Variants in XKR6 observed in about 807,000 individuals in gnomAD.
The protein encoded by XKR6 is XK related 6.
In XKR6, 22 loss-of-function variants were observed where a neutral mutation model predicts 56.7. That is an observed-to-expected ratio of 0.39 (90% confidence interval 0.28 to 0.55). The LOEUF (loss-of-function observed/expected upper bound fraction) is 0.55. XKR6 is among the 20% of genes least tolerant of loss of function. The pLI is 0.66. For missense variants in XKR6, 852 were observed against 889.0 expected, an observed-to-expected ratio of 0.96 and a Z score of 0.53; for synonymous variants, 524 against 387.8, an observed-to-expected ratio of 1.35 and a Z score of -4.13.
At chr8:10,978,082 AG>A (rs1335448849) in intron 1 of XKR6, among the ~76,000 whole-genome samples, 2 of 152,150 alleles carry the variant, frequency 1.3e-5, no homozygotes, top group African/African-American at 4.8e-5. Context: ...GGAAATGGAA[AG>A]CAACTGGCCT....
intron 1 of XKR6, chr8:11,195,322 G>T: frequency 3.4e-6 from 2 of 593,982 alleles, no homozygotes; most frequent in Non-Finnish European, 6.0e-6. Context: ...CTAAGGTAGA[G>T]ATTCATTTTT....
At chr8:11,034,123 A>C (rs1799078791) in intron 1 of XKR6, among the ~76,000 whole-genome samples, 1 of 152,248 alleles carries the variant, frequency 6.6e-6, no homozygotes, top group South Asian at 2.1e-4. Flanking sequence ...CGCATGCCTC[A>C]AGGAGACATG....
chr8:11,001,056 G>A (rs1161220199), intron 1 of XKR6, among the ~76,000 whole-genome samples: 2 of 152,218 alleles, frequency 1.3e-5, no homozygotes, highest in African/African-American at 2.4e-5. Flanking sequence ...GGATTTAGGA[G>A]CGAAAATGCA....
At chr8:11,090,190 T>A (rs1322010079) in intron 1 of XKR6, among the ~76,000 whole-genome samples, 1 of 152,192 alleles carries the variant, frequency 6.6e-6, no homozygotes. Context: ...GCTCAAGCGA[T>A]CCTCCCACCT....
chr8:11,057,764 T>G (rs905436453), intron 1 of XKR6, among the ~76,000 whole-genome samples: 2 of 152,358 alleles, frequency 1.3e-5, no homozygotes, highest in Admixed American at 6.5e-5. Flanking sequence ...ATGCTCTTCC[T>G]GACTCCTTCA....
At chr8:11,047,527 G>A (rs974449507) in intron 1 of XKR6, among the ~76,000 whole-genome samples, 1 of 152,078 alleles carries the variant, frequency 6.6e-6, no homozygotes, top group African/African-American at 2.4e-5. Context: ...GTCACAAAAA[G>A]ACAAATTCCA....
At chr8:11,031,902 A>C (rs1378733153) in intron 1 of XKR6, among the ~76,000 whole-genome samples, 1 of 152,192 alleles carries the variant, frequency 6.6e-6, no homozygotes, top group Non-Finnish European at 1.5e-5. Context: ...TCCCCAGCCT[A>C]TCCTAAGGAA....
At chr8:11,003,582 A>C (rs2129143727) in intron 1 of XKR6, among the ~76,000 whole-genome samples, 1 of 152,296 alleles carries the variant, frequency 6.6e-6, no homozygotes, top group South Asian at 2.1e-4. Flanking sequence ...CATTGTCTTT[A>C]ATCCTCAAAT....
intron 1 of XKR6, among the ~76,000 whole-genome samples, chr8:10,945,462 C>G (rs141449072): frequency 1.7e-3 from 265 of 152,266 alleles, no homozygotes; most frequent in African/African-American, 6.0e-3. Flanking sequence ...CCAGCCTGGA[C>G]AACACAGTGA....
At chr8:10,911,401 C>T (rs1047176263) in intron 2 of XKR6, among the ~76,000 whole-genome samples, 7 of 133,124 alleles carry the variant, frequency 5.3e-5, no homozygotes, top group African/African-American at 2.0e-4. Context: ...TATATAAATA[C>T]AGAGAATGAG....
chr8:11,008,418 C>CTT (rs35571220), intron 1 of XKR6, among the ~76,000 whole-genome samples: 27,694 of 103,964 alleles, frequency 0.27, 4,432 homozygotes, highest in Non-Finnish European at 0.32. Context: ...GCTCCCCAGG[C>CTT]TTTTTTTTTT....
At chr8:11,164,741 T>C (rs1038552528) in intron 1 of XKR6, among the ~76,000 whole-genome samples, 1 of 152,222 alleles carries the variant, frequency 6.6e-6, no homozygotes, top group South Asian at 2.1e-4. Context: ...AACTACACTG[T>C]TCTTCTCTAA....
chr8:10,977,597 G>T (rs528978732), intron 1 of XKR6, among the ~76,000 whole-genome samples: 6 of 149,572 alleles, frequency 4.0e-5, no homozygotes, highest in Middle Eastern at 3.4e-3. Flanking sequence ...GCTGAGGCTG[G>T]GCACCCCGAC....
intron 1 of XKR6, chr8:11,128,836 T>G (rs1044323248): frequency 2.2e-6 from 1 of 456,740 alleles, no homozygotes; most frequent in African/African-American, 2.0e-5. Flanking sequence ...CTGATCACCT[T>G]ACCACCTCCA....
At chr8:11,018,711 C>T (rs1798681491) in intron 1 of XKR6, among the ~76,000 whole-genome samples, 1 of 152,202 alleles carries the variant, frequency 6.6e-6, no homozygotes, top group Non-Finnish European at 1.5e-5. Flanking sequence ...ACACACAGAA[C>T]ACCAAAAGAT....
At chr8:11,002,876 G>C (rs1171451891) in intron 1 of XKR6, among the ~76,000 whole-genome samples, 1 of 152,142 alleles carries the variant, frequency 6.6e-6, no homozygotes, top group Non-Finnish European at 1.5e-5. Context: ...AAATAATCTG[G>C]GTATGGTTAC....
intron 1 of XKR6, among the ~76,000 whole-genome samples, chr8:11,011,819 G>A (rs570027357): frequency 8.5e-5 from 13 of 152,336 alleles, no homozygotes; most frequent in African/African-American, 3.1e-4. Flanking sequence ...GCTAAGAGCT[G>A]GGACTTGCTT....
intron 1 of XKR6, among the ~76,000 whole-genome samples, chr8:11,148,927 G>C (rs1801129244): frequency 6.6e-6 from 1 of 152,232 alleles, no homozygotes; most frequent in Non-Finnish European, 1.5e-5. Flanking sequence ...AAAGAAGACA[G>C]TGTGTAATTC....
At chr8:11,084,292 C>T (rs370989810) in intron 1 of XKR6, among the ~76,000 whole-genome samples, 2 of 152,226 alleles carry the variant, frequency 1.3e-5, no homozygotes, top group African/African-American at 4.8e-5. Flanking sequence ...ACACTGCTCC[C>T]GGTAATTCTG....
Sources: allele counts gnomAD v4.1 joint callset (sites outside exome capture counted in the v4.1 genomes callset), GRCh38; gene constraint gnomAD v4.1.1; transcripts MANE v1.5; gene names NCBI Gene and HGNC (gene_info 2026-07-23, HGNC 2026-07-21).